Variants in RIMS1 observed in about 807,000 individuals in gnomAD.
The protein encoded by RIMS1 is regulating synaptic membrane exocytosis protein 1.
Under a neutral mutation model 214.1 loss-of-function variants are expected in RIMS1, and 83 were observed. The ratio of observed to expected loss-of-function variants is 0.39; its 90% CI spans 0.32 to 0.47. The LOEUF is 0.47. Ranked by LOEUF, RIMS1 falls within the 20% of genes least tolerant of loss-of-function variation. The pLI is 0.99. For synonymous variants in RIMS1, 793 were observed against 786.8 expected (o/e 1.01, Z -0.13); for missense variants, 2,050 against 2,161.8 (o/e 0.95, Z 1.03).
At chr6:72,317,148 C>A (rs574328865) in intron 28 of RIMS1, 75 of 352,616 alleles carry the variant, frequency 2.1e-4, no homozygotes, top group African/African-American at 1.4e-3. Flanking sequence ...GCACCAGTCC[C>A]GACCAGGGTG....
At chr6:72,333,911 G>C in intron 29 of RIMS1, 76 bp downstream of exon 29, 3 of 1,028,304 alleles carry the variant, frequency 2.9e-6, no homozygotes, top group Non-Finnish European at 4.3e-6. Context: ...GCTATGGCTT[G>C]TGATGGAATT....
At chr6:72,159,396 A>G (rs1481906990) in intron 4 of RIMS1, among the ~76,000 whole-genome samples, 1 of 139,502 alleles carries the variant, frequency 7.2e-6, no homozygotes, top group African/African-American at 2.5e-5. Context: ...CTCTTTAGTT[A>G]GATCCCATTT....
intron 29 of RIMS1, among the ~76,000 whole-genome samples, chr6:72,354,445 A>G (rs2154374708): frequency 6.6e-6 from 1 of 152,360 alleles, no homozygotes; most frequent in African/African-American, 2.4e-5. Context: ...TGAGATACCA[A>G]TTTTTAACCT....
intron 4 of RIMS1, among the ~76,000 whole-genome samples, chr6:72,170,358 T>C (rs2046860037): frequency 6.6e-6 from 1 of 152,206 alleles, no homozygotes; most frequent in Non-Finnish European, 1.5e-5. Flanking sequence ...TTTTTTCTTT[T>C]TTTGAGTCAG....
At chr6:72,140,339 A>G (rs1224794243) in intron 4 of RIMS1, among the ~76,000 whole-genome samples, 1 of 152,146 alleles carries the variant, frequency 6.6e-6, no homozygotes, top group East Asian at 1.9e-4. Context: ...ATCAGAAATT[A>G]TATTGGTAAC....
chr6:72,301,901 T>C (rs900241586), intron 26 of RIMS1, among the ~76,000 whole-genome samples: 5 of 151,578 alleles, frequency 3.3e-5, no homozygotes, highest in African/African-American at 1.2e-4. Context: ...AACTGGTGAA[T>C]TTTTTTCCTC....
At chr6:72,270,217 T>A (rs1414419486) in intron 22 of RIMS1, among the ~76,000 whole-genome samples, 1 of 152,196 alleles carries the variant, frequency 6.6e-6, no homozygotes, top group East Asian at 1.9e-4. Context: ...ATAGGTCTTG[T>A]TTCAGAGTAT....
At chr6:71,894,777 G>C (rs930836795) in intron 1 of RIMS1, among the ~76,000 whole-genome samples, 6 of 152,260 alleles carry the variant, frequency 3.9e-5, no homozygotes, top group African/African-American at 1.4e-4. Flanking sequence ...TAATTCCTCT[G>C]ATGTTTAGAT....
chr6:72,249,589 G>A (rs1455353998), intron 12 of RIMS1, among the ~76,000 whole-genome samples: 1 of 151,994 alleles, frequency 6.6e-6, no homozygotes, highest in Non-Finnish European at 1.5e-5. Flanking sequence ...TGGCAACATA[G>A]CAAGACCCCC....
At position 72,401,909 on chromosome 6, in the gene RIMS1, A is replaced by AT. The variant is rs1265141241; in HGVS notation, c.*1201dup. 1.3e-5 allele frequency: 2 copies of AT among 152,644 alleles called. No individual in the cohort carries two copies. Among genetic ancestry groups the AT allele is most frequent in the Non-Finnish European group, 2.9e-5 (2 of 68,040 alleles). 9.5% of individuals were successfully genotyped at this position (152,644 alleles called of 1,614,324 possible). ...GAGATTGATGCAAGCACAAAGCTTGATTTTTTAATGCAAAGTATCTTACTT... is the reference window on the plus strand; with the variant it reads ...GAGATTGATGCAAGCACAAAGCTTGATTTTTTTAATGCAAAGTATCTTACTT... On this transcript the variant is annotated 3_prime_UTR_variant, in exon 34 of 34. Coordinates refer to ENST00000521978, the MANE Select transcript of RIMS1 (RefSeq NM_014989.7).
intron 1 of RIMS1, among the ~76,000 whole-genome samples, chr6:71,890,221 A>G (rs1334974689): frequency 2.0e-5 from 3 of 152,158 alleles, no homozygotes; most frequent in African/African-American, 7.2e-5. Flanking sequence ...AGAAGATTTT[A>G]TTTGAAATTG....
chr6:72,229,459 C>T (rs779797574), intron 6 of RIMS1, among the ~76,000 whole-genome samples: 23 of 151,770 alleles, frequency 1.5e-4, no homozygotes, highest in South Asian at 8.3e-4. Context: ...AGTATGTCTT[C>T]GCATTTTATT....
intron 29 of RIMS1, among the ~76,000 whole-genome samples, chr6:72,388,997 G>A (rs572386517): frequency 1.3e-5 from 2 of 152,286 alleles, no homozygotes; most frequent in South Asian, 2.1e-4. Context: ...AGGCACAAGG[G>A]CATAGGTGGC....
chr6:72,149,390 C>T lies in RIMS1; in HGVS notation c.472-30185C>T, dbSNP rs534731212. Among the ~76,000 whole-genome samples, 3 of 152,328 alleles carry T rather than the reference C, an allele frequency of 2.0e-5. No homozygotes were observed. In the South Asian group the frequency reaches 6.2e-4, roughly 32 times the overall value. On this transcript the variant is annotated intron_variant, in intron 4 of 33. Coordinates refer to ENST00000521978, the MANE Select transcript of RIMS1 (RefSeq NM_014989.7). Reference sequence around the variant, plus strand: ...CCTCCAGTTGCAGACTGGAGCCGGTCTAGGGGCCTTAGGACAACAATGAGG... The same window carrying T: ...CCTCCAGTTGCAGACTGGAGCCGGTTTAGGGGCCTTAGGACAACAATGAGG...
intron 4 of RIMS1, among the ~76,000 whole-genome samples, chr6:72,124,825 C>T (rs1021535812): frequency 2.0e-5 from 3 of 152,132 alleles, no homozygotes; most frequent in Non-Finnish European, 4.4e-5. Context: ...TTTTCAGCTC[C>T]ATCAGGTCAT....
chr6:72,010,771 G>GGGATGTGAA (rs1268212178), intron 2 of RIMS1, among the ~76,000 whole-genome samples: 2 of 151,902 alleles, frequency 1.3e-5, no homozygotes, highest in Non-Finnish European at 2.9e-5. Flanking sequence ...CAACTTACAA[G>GGGATGTGAA]GGATGTGAAG....
At chr6:72,361,893 C>G (rs1292979007) in intron 29 of RIMS1, among the ~76,000 whole-genome samples, 1 of 152,158 alleles carries the variant, frequency 6.6e-6, no homozygotes, top group African/African-American at 2.4e-5. Flanking sequence ...GCACAATTCC[C>G]CATTGCCATG....
At chr6:72,141,834 A>G (rs1298082279) in intron 4 of RIMS1, among the ~76,000 whole-genome samples, 2 of 152,014 alleles carry the variant, frequency 1.3e-5, no homozygotes. Flanking sequence ...CAGCTGAGCT[A>G]TTAGTAAAAT....
At chr6:72,031,177 C>A (rs1315303401) in intron 2 of RIMS1, among the ~76,000 whole-genome samples, 1 of 152,022 alleles carries the variant, frequency 6.6e-6, no homozygotes, top group Non-Finnish European at 1.5e-5. Context: ...TCATAAATAG[C>A]AATAAGAACA....
Sources: gnomAD v4.1 joint callset for allele counts (sites outside exome capture counted in the v4.1 genomes callset) on GRCh38, gnomAD v4.1.1 for gene constraint, MANE v1.5 for transcripts, NCBI Gene and HGNC (gene_info 2026-07-23, HGNC 2026-07-21) for gene names.